Variants in SYNRG observed in about 807,000 individuals in gnomAD.
SYNRG encodes AP1 gamma subunit binding protein 1.
SYNRG carries 37 observed loss-of-function variants against 130.9 expected under a neutral mutation model. The ratio of observed to expected loss-of-function variants is 0.28; its 90% CI spans 0.22 to 0.37. The LOEUF (loss-of-function observed/expected upper bound fraction) is 0.37, where lower values mean the gene tolerates loss of function less well. Among genes scored for constraint, SYNRG ranks in the 10% least tolerant of loss-of-function variants. SYNRG has a pLI of 1.00. For synonymous variants in SYNRG, 539 were observed against 568.1 expected, an observed-to-expected ratio of 0.95 and a Z score of 0.73; for missense variants, 1,338 against 1,588.9, an observed-to-expected ratio of 0.84 and a Z score of 2.68.
At position 37,556,546 on chromosome 17, in the gene SYNRG, G is replaced by GA. The variant is rs11330451; in HGVS notation, c.1664-2488dup. On this transcript the variant is annotated intron_variant, in intron 13 of 21. Coordinates refer to ENST00000612223, the MANE Select transcript of SYNRG (RefSeq NM_007247.6). ...AGATATGTACTTGGATATAGCAGATGAAAAAAAAAAAGCACCAAAAACAAT... is the reference window on the plus strand; with the variant it reads ...AGATATGTACTTGGATATAGCAGATGAAAAAAAAAAAAGCACCAAAAACAAT... Among the ~76,000 whole-genome samples the GA allele has an allele frequency of 1.9e-3, 281 of 145,792 alleles. 3 individuals carry two copies. The East Asian group carries it at 0.022, about 12-fold the overall frequency.
Position 37,576,363 on chromosome 17 carries a change from A to C in SYNRG, c.879T>G (p.Ile293Met), listed in dbSNP as rs1475432244. 1 of 1,613,912 alleles carries C rather than the reference A, an allele frequency of 6.2e-7. No homozygotes were observed. Among genetic ancestry groups the C allele is most frequent in the East Asian group, 2.2e-5 (1 of 44,858 alleles). Residue 293 changes from isoleucine to methionine, a missense_variant, in exon 8 of 22, where the codon ATT becomes ATG. Transcript: ENST00000612223. ...DPAQPRMPPW[I>M]YNESLVPDAY... ...TACCTGGAACCAAACTCTCATTGTA[A>C]ATCCAAGGAGGCATTCTGGGCTGAG...
In SYNRG at chr17:37,570,697, T is replaced by C. The variant is rs1425883287; in HGVS notation, c.1287A>G (p.Pro429=). The change falls in exon 10 of 22, where the codon CCA becomes CCG. Residue 429 remains proline (P), a synonymous_variant. Coordinates refer to ENST00000612223, the MANE Select transcript of SYNRG (RefSeq NM_007247.6). ...AAGCCTGGGCTGCAGCTCCACCCAC[T>C]GGTCCAACAAGGTTAATGCCCATGA... ...QPVMGINLVG[P]VGGAAAQASS... 2 of 1,614,194 alleles carry C rather than the reference T, an allele frequency of 1.2e-6. No individual in the cohort carries two copies. Among genetic ancestry groups the C allele is most frequent in the Non-Finnish European group, 1.7e-6 (2 of 1,180,026 alleles).
chr17:37,545,658 C>CTAT (rs146038498), intron 14 of SYNRG, among the ~76,000 whole-genome samples: 299 of 152,148 alleles, frequency 2.0e-3, no homozygotes, highest in African/African-American at 7.0e-3. Context: ...AAAAATGATA[C>CTAT]GCCTGTAACA....
In SYNRG at chr17:37,589,433, T is replaced by A. The variant is rs79548077; in HGVS notation, c.241-2884A>T. Among the ~76,000 whole-genome samples, 237 of 152,286 alleles carry A rather than the reference T, an allele frequency of 1.6e-3. 1 individual carries two copies. The highest frequency in any genetic ancestry group is 5.5e-3 in the African/African-American group (227 of 41,564). ...AAGAAATGTGATATTACAGGAATAA[T>A]CATAGAAATCAATAAATTAAAAATG... is the stretch of plus-strand genomic sequence containing the variant. On this transcript the variant is annotated intron_variant, in intron 3 of 21. Transcript: ENST00000612223.
chr17:37,601,257 C>T (rs1308796463), intron 1 of SYNRG, among the ~76,000 whole-genome samples: 1 of 151,924 alleles, frequency 6.6e-6, no homozygotes, highest in Non-Finnish European at 1.5e-5. Flanking sequence ...TTAGTAGAGG[C>T]AGGGTTTCAC....
chr17:37,529,073 CAA>C (rs1173649338), intron 19 of SYNRG, among the ~76,000 whole-genome samples: 2 of 152,184 alleles, frequency 1.3e-5, no homozygotes, highest in Admixed American at 6.5e-5. Context: ...TCTTGAAAAA[CAA>C]AAGTTAGGTA....
Position 37,576,389 on chromosome 17 carries a change from C to T in SYNRG, c.853G>A (p.Ala285Thr), listed in dbSNP as rs751293340. The T allele has an allele frequency of 1.2e-6, 2 of 1,613,868 alleles. No individual in the cohort carries two copies. Among genetic ancestry groups the T allele is most frequent in the Non-Finnish European group, 1.7e-6 (2 of 1,179,886 alleles). The change falls in exon 8 of 22, where the codon GCT becomes ACT. Residue 285 changes from alanine (A) to threonine (T), a missense_variant. By Grantham distance (58) the Ala-to-Thr change is moderately conservative. Coordinates refer to ENST00000612223, the MANE Select transcript of SYNRG (RefSeq NM_007247.6). ...GVGVFPSQDP[A>T]QPRMPPWIYN... ...ATCCAAGGAGGCATTCTGGGCTGAG[C>T]AGGATCCTGTGAGGGAAATACTCCC...
intron 19 of SYNRG, among the ~76,000 whole-genome samples, chr17:37,533,719 C>T (rs1180382127): frequency 2.7e-5 from 4 of 149,128 alleles, no homozygotes; most frequent in Non-Finnish European, 4.5e-5. Flanking sequence ...TCCCAAGTAG[C>T]TGGGATTACA....
intron 14 of SYNRG, among the ~76,000 whole-genome samples, chr17:37,545,655 A>T (rs1230367990): frequency 2.0e-5 from 3 of 152,178 alleles, no homozygotes; most frequent in Non-Finnish European, 2.9e-5. Context: ...GTTAAAAATG[A>T]TACGCCTGTA....
chr17:37,609,399 A>G lies in SYNRG; in HGVS notation c.-44T>C, dbSNP rs2064202125. 1.4e-6 allele frequency: 2 copies of G among 1,381,958 alleles called. No homozygotes were observed. Among genetic ancestry groups the G allele is most frequent in the Admixed American group, 7.2e-5 (2 of 27,920 alleles). 85.6% of individuals were successfully genotyped at this position (1,381,958 alleles called of 1,614,324 possible). ...CTGCCTTCGCCGCCGCCACCTTATC[A>G]GCAGCTGTCAGCTGAACACAGCCAC... On this transcript the variant is annotated 5_prime_UTR_variant, in exon 1 of 22. Transcript: ENST00000612223.
intron 1 of SYNRG, among the ~76,000 whole-genome samples, chr17:37,602,822 A>G (rs2063408833): frequency 6.6e-6 from 1 of 152,068 alleles, no homozygotes; most frequent in Non-Finnish European, 1.5e-5. Context: ...CCAGGAGTTC[A>G]AGACCAGCCT....
At chr17:37,603,111 A>C (rs1038257214) in intron 1 of SYNRG, among the ~76,000 whole-genome samples, 1 of 152,188 alleles carries the variant, frequency 6.6e-6, no homozygotes, top group African/African-American at 2.4e-5. Context: ...CTGAGCCTGG[A>C]AAGAAAAAGG....
chr17:37,596,241 T>C lies in SYNRG; in HGVS notation c.222A>G (p.Gln74=), dbSNP rs1415995180. 1 of 1,614,154 alleles carries C rather than the reference T, an allele frequency of 6.2e-7. No homozygotes were observed. Among genetic ancestry groups the C allele is most frequent in the Non-Finnish European group, 8.5e-7 (1 of 1,179,994 alleles). The change falls in exon 3 of 22, where the codon CAA becomes CAG. Residue 74 remains glutamine (Q), a synonymous_variant. Coordinates refer to ENST00000612223, the MANE Select transcript of SYNRG (RefSeq NM_007247.6). ...MGMNYSSQMS[Q]GPIAMQAGIP... ...CAAGTACCTGCATAGCAATAGGTCC[T>C]TGGGACATCTGAGAGCTGTAATTCA...
At chr17:37,600,082 C>T (rs1172411269) in intron 2 of SYNRG, among the ~76,000 whole-genome samples, 1 of 152,138 alleles carries the variant, frequency 6.6e-6, no homozygotes. Context: ...CTTTAACATT[C>T]TTGTCCTAAA....
chr17:37,595,629 CCT>C (rs2062695606), intron 3 of SYNRG, among the ~76,000 whole-genome samples: 1 of 152,042 alleles, frequency 6.6e-6, no homozygotes, highest in African/African-American at 2.4e-5. Context: ...AAACGTGCCC[CCT>C]GAATCTAAAA....
rs1347852978 is a variant in SYNRG, at chr17:37,553,809, G to C, written c.1914C>G (p.Ser638Arg). ...GTGGTGTAGAAACTGATTTTGATGT[G>C]CTAAACACAGCTGAAAAAGACAATG... ...EKPLSFSAVFSTSKSVSTPQS... is the reference protein window; with the variant it reads ...EKPLSFSAVFRTSKSVSTPQS... Residue 638 changes from serine (S) to arginine (R), a missense_variant, in exon 14 of 22, where the codon AGC (serine) becomes AGG (arginine). By Grantham distance (110) the Ser-to-Arg change is moderately radical. Coordinates refer to ENST00000612223, the MANE Select transcript of SYNRG (RefSeq NM_007247.6). The C allele has an allele frequency of 1.9e-6, 3 of 1,613,260 alleles. No individual in the cohort carries two copies. The African/African-American group carries it at 4.0e-5, about 22-fold the overall frequency.
At chr17:37,548,966 T>G (rs567539910) in intron 14 of SYNRG, among the ~76,000 whole-genome samples, 2 of 151,258 alleles carry the variant, frequency 1.3e-5, no homozygotes, top group Non-Finnish European at 2.9e-5. Flanking sequence ...GAAACCCCCA[T>G]CTCTATTAAA....
Position 37,516,703 on chromosome 17 carries a change from A to G in SYNRG, c.*2237T>C, listed in dbSNP as rs2054451738. ...TTAAGAGACAGTGTCTCGCTCTGTC[A>G]TCACCTACGCTGTCACGTGCAGCCT... On this transcript the variant is annotated 3_prime_UTR_variant, in exon 22 of 22. Transcript: ENST00000612223. 1 of 148,906 alleles carries G rather than the reference A, an allele frequency of 6.7e-6. No individual in the cohort carries two copies. The highest frequency in any genetic ancestry group is 1.5e-5 in the Non-Finnish European group (1 of 67,614). The allele number at this position is 148,906 out of a possible 1,614,324, so 9.2% of individuals were successfully genotyped here.
At chr17:37,589,059 A>T (rs2061928273) in intron 3 of SYNRG, among the ~76,000 whole-genome samples, 2 of 152,224 alleles carry the variant, frequency 1.3e-5, no homozygotes, top group Admixed American at 1.3e-4. Context: ...ATGACATAAC[A>T]AAAGAAAGAA....
Sources: allele counts gnomAD v4.1 joint callset (sites outside exome capture counted in the v4.1 genomes callset), GRCh38; gene constraint gnomAD v4.1.1; transcripts MANE v1.5; gene names NCBI Gene and HGNC (gene_info 2026-07-23, HGNC 2026-07-21).